Variants in CPE observed in about 807,000 individuals in gnomAD.
CPE encodes carbocypeptidase E.
A neutral mutation model predicts 53.5 loss-of-function variants in CPE; 17 were observed. The observed-to-expected ratio is 0.32, with a 90% CI of 0.22 to 0.48. CPE has a LOEUF of 0.48. Among genes scored for constraint, CPE ranks in the 20% least tolerant of loss-of-function variants. The pLI is 0.99. For synonymous variants in CPE, 226 were observed against 228.8 expected (o/e 0.99, Z 0.11); for missense variants, 524 against 614.7 (o/e 0.85, Z 1.56).
At chr4:165,428,079 C>G (rs11724925) in intron 1 of CPE, among the ~76,000 whole-genome samples, 44,862 of 151,756 alleles carry the variant, frequency 0.3, 6,723 homozygotes, top group Middle Eastern at 0.39. Flanking sequence ...ACCCAGTCTG[C>G]AGTGGAGTTG....
intron 3 of CPE, among the ~76,000 whole-genome samples, chr4:165,475,575 G>A (rs1732284165): frequency 6.6e-6 from 1 of 152,212 alleles, no homozygotes; most frequent in African/African-American, 2.4e-5. Flanking sequence ...TGAGGCGGAT[G>A]GTCTAGCTGG....
intron 1 of CPE, among the ~76,000 whole-genome samples, chr4:165,387,668 C>G (rs1439946932): frequency 2.6e-5 from 4 of 151,954 alleles, no homozygotes; most frequent in Admixed American, 6.5e-5. Context: ...AATTAGCCAG[C>G]CGTGGTGGCA....
chr4:165,412,386 G>C (rs905170339), intron 1 of CPE, among the ~76,000 whole-genome samples: 2 of 152,042 alleles, frequency 1.3e-5, no homozygotes, highest in Non-Finnish European at 2.9e-5. Flanking sequence ...ACTAACATTA[G>C]TAAGCAAGTA....
intron 1 of CPE, among the ~76,000 whole-genome samples, chr4:165,452,187 G>A (rs1287754321): frequency 1.3e-5 from 2 of 152,106 alleles, no homozygotes; most frequent in South Asian, 2.1e-4. Flanking sequence ...TTAGTTAATG[G>A]ACACAGTTAG....
chr4:165,417,557 ATTT>A (rs59056653), intron 1 of CPE, among the ~76,000 whole-genome samples: 45 of 149,864 alleles, frequency 3.0e-4, no homozygotes, highest in African/African-American at 9.5e-4. Flanking sequence ...TATTGGCAGT[ATTT>A]TTTTTTTTTA....
chr4:165,471,299 G>C (rs896067440), intron 3 of CPE, among the ~76,000 whole-genome samples: 1 of 152,070 alleles, frequency 6.6e-6, no homozygotes, highest in African/African-American at 2.4e-5. Context: ...ATCACTGGTT[G>C]GTTCACAGGA....
chr4:165,417,136 G>A (rs1731137948), intron 1 of CPE, among the ~76,000 whole-genome samples: 1 of 152,052 alleles, frequency 6.6e-6, no homozygotes, highest in African/African-American at 2.4e-5. Context: ...TGGATTAGGG[G>A]GCAGAAGAAG....
intron 3 of CPE, among the ~76,000 whole-genome samples, chr4:165,478,804 A>C (rs537053967): frequency 6.6e-6 from 1 of 152,284 alleles, no homozygotes; most frequent in South Asian, 2.1e-4. Flanking sequence ...CACTAAAACC[A>C]ACCCTCCCTC....
At chr4:165,434,408 C>T (rs907782832) in intron 1 of CPE, among the ~76,000 whole-genome samples, 1 of 152,144 alleles carries the variant, frequency 6.6e-6, no homozygotes, top group Non-Finnish European at 1.5e-5. Flanking sequence ...ATAGTGTTCA[C>T]CTATCAGCTA....
intron 1 of CPE, among the ~76,000 whole-genome samples, chr4:165,422,644 A>G (rs964092881): frequency 6.6e-6 from 1 of 152,166 alleles, no homozygotes; most frequent in Non-Finnish European, 1.5e-5. Context: ...TTGGTTTTAT[A>G]CATTTTAGGA....
chr4:165,488,085 T>G (rs1035166275), intron 6 of CPE, among the ~76,000 whole-genome samples: 5 of 152,212 alleles, frequency 3.3e-5, no homozygotes, highest in Non-Finnish European at 7.3e-5. Context: ...TAATGAGTTA[T>G]GTTTGTCATT....
At chr4:165,492,294 A>G (rs1404598074) in intron 6 of CPE, among the ~76,000 whole-genome samples, 1 of 152,222 alleles carries the variant, frequency 6.6e-6, no homozygotes, top group Non-Finnish European at 1.5e-5. Context: ...CACAGTATAT[A>G]TCTTTTTATC....
At chr4:165,388,329 C>G (rs898816727) in intron 1 of CPE, among the ~76,000 whole-genome samples, 13 of 152,140 alleles carry the variant, frequency 8.5e-5, no homozygotes, top group Admixed American at 4.6e-4. Flanking sequence ...CTAAAACAAC[C>G]TTTCTTCATA....
intron 3 of CPE, among the ~76,000 whole-genome samples, chr4:165,481,016 ATTTT>A (rs11421146): frequency 0.019 from 2,123 of 110,948 alleles, 64 homozygotes; most frequent in African/African-American, 0.062. Flanking sequence ...ATATATATAT[ATTTT>A]TTTTTTTTTT....
chr4:165,432,837 T>G (rs559919755), intron 1 of CPE, among the ~76,000 whole-genome samples: 1 of 152,282 alleles, frequency 6.6e-6, no homozygotes, highest in Admixed American at 6.5e-5. Context: ...CTGGGAGTTA[T>G]TCCAGGTGCC....
intron 1 of CPE, among the ~76,000 whole-genome samples, chr4:165,436,900 C>T (rs1228634992): frequency 2.6e-5 from 4 of 152,144 alleles, no homozygotes; most frequent in East Asian, 1.9e-4. Context: ...AAAGGTTTAC[C>T]GAAAACCACT....
intron 7 of CPE, among the ~76,000 whole-genome samples, chr4:165,494,081 TA>T (rs757911202): frequency 6.6e-6 from 1 of 151,652 alleles, no homozygotes; most frequent in East Asian, 1.9e-4. Context: ...TAGCTTGGAT[TA>T]AAAAAAAATC....
intron 1 of CPE, among the ~76,000 whole-genome samples, chr4:165,410,637 A>T (rs987761518): frequency 6.6e-6 from 1 of 152,224 alleles, no homozygotes; most frequent in Non-Finnish European, 1.5e-5. Flanking sequence ...AGGGGACCAT[A>T]TCTGTGTTTA....
intron 1 of CPE, among the ~76,000 whole-genome samples, chr4:165,397,615 C>T (rs984172217): frequency 6.6e-6 from 1 of 152,130 alleles, no homozygotes; most frequent in Admixed American, 6.6e-5. Flanking sequence ...TCCTTTCTAC[C>T]ATCTTATCTT....
Sources: gnomAD v4.1 joint callset for allele counts (sites outside exome capture counted in the v4.1 genomes callset) on GRCh38, gnomAD v4.1.1 for gene constraint, MANE v1.5 for transcripts, NCBI Gene and HGNC (gene_info 2026-07-23, HGNC 2026-07-21) for gene names.